Variants in RPS6KA2 observed in about 807,000 individuals in gnomAD.
RPS6KA2 encodes the protein ribosomal protein S6 kinase alpha-2.
A neutral mutation model predicts 91.8 loss-of-function variants in RPS6KA2; 42 were observed. That is an observed-to-expected ratio of 0.46 (90% CI 0.36 to 0.59). RPS6KA2 has a LOEUF of 0.59. RPS6KA2 is among the 20% of genes least tolerant of loss of function. The pLI is 0.00. For missense variants in RPS6KA2, 798 were observed against 978.5 expected (o/e 0.82, Z 2.46); for synonymous variants, 414 against 393.6 (o/e 1.05, Z -0.61).
intron 2 of RPS6KA2, among the ~76,000 whole-genome samples, chr6:166,817,407 A>ACG (rs1193702639): frequency 8.3e-5 from 2 of 24,170 alleles, no homozygotes; most frequent in Non-Finnish European, 4.1e-4. Context: ...ATGTAAACAC[A>ACG]CACACACACA....
intron 2 of RPS6KA2, among the ~76,000 whole-genome samples, chr6:166,536,731 G>A (rs1783492454): frequency 6.6e-6 from 1 of 152,098 alleles, no homozygotes; most frequent in East Asian, 1.9e-4. Flanking sequence ...AATCCCTGGA[G>A]GTCAGACACC....
At chr6:166,672,317 G>A (rs1788494793) in intron 2 of RPS6KA2, among the ~76,000 whole-genome samples, 1 of 152,156 alleles carries the variant, frequency 6.6e-6, no homozygotes, top group South Asian at 2.1e-4. Flanking sequence ...CCAACATTCA[G>A]GGAAGAGAAG....
Position 166,490,619 on chromosome 6 carries a change from T to G in RPS6KA2, c.818+52A>C. 8.1e-7 allele frequency: 1 copy of G among 1,238,852 alleles called. No homozygotes were observed. The highest frequency in any genetic ancestry group is 2.4e-5 in the East Asian group (1 of 41,064). The allele number at this position is 1,238,852 out of a possible 1,614,324, so 76.7% of individuals were successfully genotyped here. ...GTTCCAGGTTCAGAGGCAGCAGCTC[T>G]TGATATCAGAAGGTGCTCGCAGGTC... is the stretch of plus-strand genomic sequence containing the variant. On this transcript the variant is annotated intron_variant, in intron 9 of 20. Coordinates refer to ENST00000265678, the MANE Select transcript of RPS6KA2 (RefSeq NM_021135.6). This position sits in a 1 kb window ranked among gnomAD's most constrained non-coding sequence, Gnocchi z 4.2.
chr6:166,822,586 G>A (rs536510543), intron 2 of RPS6KA2, among the ~76,000 whole-genome samples: 4 of 152,114 alleles, frequency 2.6e-5, no homozygotes, highest in East Asian at 1.9e-4. Context: ...AGACACAAAC[G>A]ATTTCCAGCT....
intron 2 of RPS6KA2, among the ~76,000 whole-genome samples, chr6:166,764,665 G>A (rs1778260686): frequency 6.6e-6 from 1 of 152,100 alleles, no homozygotes; most frequent in Non-Finnish European, 1.5e-5. Flanking sequence ...GGCACAGCCG[G>A]GTGCCCTCAC....
chr6:166,594,479 T>C (rs954933711), intron 1 of RPS6KA2, among the ~76,000 whole-genome samples: 19 of 152,252 alleles, frequency 1.2e-4, no homozygotes, highest in Non-Finnish European at 2.5e-4. Flanking sequence ...TTTTTCTTTT[T>C]TGAGACGGAG....
At chr6:166,582,312 T>C (rs1394839392) in intron 1 of RPS6KA2, among the ~76,000 whole-genome samples, 1 of 152,188 alleles carries the variant, frequency 6.6e-6, no homozygotes, top group Non-Finnish European at 1.5e-5. Context: ...TGGCTTCCGG[T>C]GGCATGCACT....
intron 14 of RPS6KA2, among the ~76,000 whole-genome samples, chr6:166,444,896 C>A (rs1779630342): frequency 1.3e-5 from 2 of 152,148 alleles, no homozygotes. Context: ...TGGCAGAGTA[C>A]CCAGCATATA....
Position 166,488,943 on chromosome 6 carries a change from T to A in RPS6KA2, c.819-22A>T, listed in dbSNP as rs141731709. On this transcript the variant is annotated intron_variant, in intron 9 of 20. Transcript: ENST00000265678. Reference sequence around the variant, plus strand: ...GGCTCTGAAAAACAAGATCCTATTTTAGGATCTATTTTAGGAGAACAAGGA... The same window carrying A: ...GGCTCTGAAAAACAAGATCCTATTTAAGGATCTATTTTAGGAGAACAAGGA... The A allele has an allele frequency of 5.6e-4, 894 of 1,596,302 alleles. 4 individuals carry two copies. The African/African-American group carries it at 0.01, about 19-fold the overall frequency.
intron 2 of RPS6KA2, among the ~76,000 whole-genome samples, chr6:166,696,266 G>A (rs1233808771): frequency 6.6e-6 from 1 of 152,066 alleles, no homozygotes; most frequent in Non-Finnish European, 1.5e-5. Context: ...TATCAGCTGG[G>A]TGCGGACTGA....
In RPS6KA2 at chr6:166,418,205, A is replaced by G. The variant is rs1297603124; in HGVS notation, c.1938+20T>C. The G allele has an allele frequency of 2.7e-6, 4 of 1,483,778 alleles. No homozygotes were observed. The highest frequency in any genetic ancestry group is 1.8e-5 in the Admixed American group (1 of 55,350). The allele number at this position is 1,483,778 out of a possible 1,614,324, so 91.9% of individuals were successfully genotyped here. A position where few individuals can be genotyped will look rare whatever the true frequency, so the allele number is the denominator to read the frequency against. On this transcript the variant is annotated intron_variant, in intron 19 of 20. Coordinates refer to ENST00000265678, the MANE Select transcript of RPS6KA2 (RefSeq NM_021135.6). The surrounding 1 kb of genome is among the most constrained non-coding windows in gnomAD (Gnocchi z 4.9). Reference sequence around the variant, plus strand: ...TTCAGAATCTGAATATTTAAAAGCAACGCTGGGACATGTACTCACTTTAGC... The same window carrying G: ...TTCAGAATCTGAATATTTAAAAGCAGCGCTGGGACATGTACTCACTTTAGC...
intron 2 of RPS6KA2, among the ~76,000 whole-genome samples, chr6:166,695,398 G>C (rs950187360): frequency 1.3e-5 from 2 of 152,224 alleles, no homozygotes; most frequent in Non-Finnish European, 2.9e-5. Context: ...GACGTACATG[G>C]CCAGAACTGG....
At chr6:166,855,813 T>C (rs1437304793) in intron 2 of RPS6KA2, among the ~76,000 whole-genome samples, 2 of 152,200 alleles carry the variant, frequency 1.3e-5, no homozygotes, top group African/African-American at 4.8e-5. Context: ...TACCTAAATA[T>C]CAAGATTATA....
rs1263741561 is a variant in RPS6KA2 at position 166,433,891 on chromosome 6, A to T, written c.1333-1401T>A. Among the ~76,000 whole-genome samples, 2 of 152,056 alleles carry T rather than the reference A, an allele frequency of 1.3e-5. No homozygotes were observed. Among genetic ancestry groups the T allele is most frequent in the Non-Finnish European group, 2.9e-5 (2 of 68,014 alleles). On this transcript the variant is annotated intron_variant, in intron 14 of 20. Transcript: ENST00000265678. The surrounding 1 kb of genome is among the most constrained non-coding windows in gnomAD (Gnocchi z 4.4). ...TGCCTCAGCCTCCAGAATAACTAGG[A>T]CTACAGAGGTGTGTGCCACCCTACT... is the stretch of plus-strand genomic sequence containing the variant.
chr6:166,797,722 T>G (rs1779261429), intron 2 of RPS6KA2, among the ~76,000 whole-genome samples: 1 of 152,072 alleles, frequency 6.6e-6, no homozygotes, highest in Non-Finnish European at 1.5e-5. Context: ...AAAATCTGCA[T>G]ATAATCGGAC....
chr6:166,566,717 G>A (rs186201106), intron 1 of RPS6KA2, among the ~76,000 whole-genome samples: 1 of 152,316 alleles, frequency 6.6e-6, no homozygotes, highest in Non-Finnish European at 1.5e-5. Flanking sequence ...TCCTGGCCCT[G>A]AGGTCTCTCA....
chr6:166,577,920 A>T (rs1784887223), intron 1 of RPS6KA2, among the ~76,000 whole-genome samples: 1 of 152,188 alleles, frequency 6.6e-6, no homozygotes, highest in African/African-American at 2.4e-5. Flanking sequence ...GATAATTTGA[A>T]TCATGGGGGC....
intron 2 of RPS6KA2, chr6:166,702,539 G>C: frequency 1.4e-6 from 2 of 1,438,684 alleles, no homozygotes; most frequent in African/African-American, 1.4e-5. Context: ...TACTGGACTA[G>C]TCAACTATCC....
In RPS6KA2 at chr6:166,490,874, A is replaced by C. The variant is rs1000889046; in HGVS notation, c.748-133T>G. On this transcript the variant is annotated intron_variant, in intron 8 of 20. Coordinates refer to ENST00000265678, the MANE Select transcript of RPS6KA2 (RefSeq NM_021135.6). The surrounding 1 kb of genome is among the most constrained non-coding windows in gnomAD (Gnocchi z 4.2). Reference sequence around the variant, plus strand: ...AAATCTCCATCAGTCAATTGTAGCCACTGGCCTACGTGCTTGGGGTACAAC... The same window carrying C: ...AAATCTCCATCAGTCAATTGTAGCCCCTGGCCTACGTGCTTGGGGTACAAC... The C allele has an allele frequency of 4.5e-6, 3 of 671,500 alleles. No homozygotes were observed. The African/African-American group carries it at 5.4e-5, about 12-fold the overall frequency. 41.6% of individuals were successfully genotyped at this position (671,500 alleles called of 1,614,324 possible).
Sources: gnomAD v4.1 joint callset for allele counts (sites outside exome capture counted in the v4.1 genomes callset) on GRCh38, gnomAD v4.1.1 for gene constraint, Gnocchi (gnomAD v3.1) non-coding constraint, MANE v1.5 for transcripts, NCBI Gene and HGNC (gene_info 2026-07-23, HGNC 2026-07-21) for gene names.